The following SETMAR variants were observed in gnomAD, a reference collection of about 807,000 sequenced individuals.
SETMAR encodes SET and mariner transposase domain methyltransferase, also known as histone-lysine N-methyltransferase SETMAR.
In SETMAR, 44 loss-of-function variants were observed where a neutral mutation model predicts 58.4. The observed-to-expected ratio is 0.75, with a 90% confidence interval of 0.59 to 0.97. SETMAR has a LOEUF of 0.97. Ranked by LOEUF, SETMAR falls within the 50% of genes least tolerant of loss-of-function variation. The pLI is 0.00. For synonymous variants in SETMAR, 332 were observed against 307.4 expected (o/e 1.08, Z -0.84); for missense variants, 903 against 840.2 (o/e 1.07, Z -0.92).
chr3:4,313,356 A>G lies in SETMAR; in HGVS notation c.615A>G (p.Val205=). 1 of 1,613,986 alleles carries G rather than the reference A, an allele frequency of 6.2e-7. No individual in the cohort carries two copies. Among genetic ancestry groups the G allele is most frequent in the East Asian group, 2.2e-5 (1 of 44,872 alleles). The change falls in exon 2 of 3, where the codon GTA becomes GTG. Residue 205 remains valine, a synonymous_variant. Transcript: ENST00000358065. ...AIREHVYNGQ[V]METFVDPTYI... is the part of the protein sequence containing the mutation. ...GGGAACATGTTTATAATGGGCAGGTAATGGAAACATTTGTTGACCCTACTT... is the reference window on the plus strand; with the variant it reads ...GGGAACATGTTTATAATGGGCAGGTGATGGAAACATTTGTTGACCCTACTT...
chr3:4,313,939 TG>T, intron 2 of SETMAR, 178 bp downstream of exon 2: 2 of 1,123,136 alleles, frequency 1.8e-6, no homozygotes, highest in Non-Finnish European at 2.5e-6. Flanking sequence ...CAAAAGTACA[TG>T]ACTACCCAGA....
chr3:4,308,277 C>A (rs1309949771), intron 1 of SETMAR, among the ~76,000 whole-genome samples: 1 of 152,172 alleles, frequency 6.6e-6, no homozygotes, highest in Admixed American at 6.5e-5. Flanking sequence ...AACTTATTTT[C>A]TTCACTACCC....
chr3:4,303,402 CT>C lies in SETMAR; in HGVS notation c.34del (p.Cys12ValfsTer47). ...GCGGAAGCGGCAAAGACGACACGGC[CT>C]TGTGGGATGGCGGAGTTTAAGGAGA... MFAEAAKTTR[P>X]CGMAEFKEKP... On this transcript the variant is annotated frameshift_variant, in exon 1 of 3. Transcript: ENST00000358065. LOFTEE classifies it high-confidence loss of function. 1 of 1,558,872 alleles carries C rather than the reference CT, an allele frequency of 6.4e-7. No homozygotes were observed. The highest frequency in any genetic ancestry group is 8.6e-7 in the Non-Finnish European group (1 of 1,156,782).
At chr3:4,303,596 C>A (rs1364693538) in intron 1 of SETMAR, 70 bp downstream of exon 1, 5 of 1,375,694 alleles carry the variant, frequency 3.6e-6, no homozygotes, top group South Asian at 1.7e-5. Flanking sequence ...CAAGCCGCCT[C>A]GCTGGGACGG....
Position 4,317,035 on chromosome 3 carries a change from A to G in SETMAR, c.1844A>G (p.Tyr615Cys). 2.6e-6 allele frequency: 4 copies of G among 1,549,416 alleles called. No homozygotes were observed. The highest frequency in any genetic ancestry group is 3.5e-6 in the Non-Finnish European group (4 of 1,146,722). The change falls in exon 3 of 3, where the codon TAT becomes TGT. Residue 615 changes from tyrosine (Y) to cysteine (C), a missense_variant. Coordinates refer to ENST00000358065, the MANE Select transcript of SETMAR (RefSeq NM_006515.4). ...LGYEVLPHPP[Y>C]SPDLLPTNYH... Reference sequence around the variant, plus strand: ...TATGAAGTTTTGCCTCATCCACCGTATTCACCTGACCTCTTGCCAACCAAC... The same window carrying G: ...TATGAAGTTTTGCCTCATCCACCGTGTTCACCTGACCTCTTGCCAACCAAC...
chr3:4,316,483 A>G lies in SETMAR; in HGVS notation c.1292A>G (p.Glu431Gly). Residue 431 changes from glutamate to glycine, a missense_variant, in exon 3 of 3, where the codon GAA becomes GGA. By Grantham distance (98) the Glu-to-Gly change is moderately conservative. Coordinates refer to ENST00000358065, the MANE Select transcript of SETMAR (RefSeq NM_006515.4). ...IEADPLTTTR[E>G]VAEELNVNHS... Reference sequence around the variant, plus strand: ...GCTGATCCCCTTACAACTACACGAGAAGTTGCTGAAGAACTCAATGTCAAC... The same window carrying G: ...GCTGATCCCCTTACAACTACACGAGGAGTTGCTGAAGAACTCAATGTCAAC... The G allele has an allele frequency of 6.2e-7, 1 of 1,602,848 alleles. No homozygotes were observed. The highest frequency in any genetic ancestry group is 8.5e-7 in the Non-Finnish European group (1 of 1,174,564).
chr3:4,317,247 T>TAAA lies in SETMAR; in HGVS notation c.*4_*6dup, dbSNP rs1478634387. ...TTGTAATGGTTCCTATTTTGATTAA[T>TAAA]AAAAATGCGTTGAGCCTAGTTATAA... On this transcript the variant is annotated 3_prime_UTR_variant, in exon 3 of 3. Transcript: ENST00000358065. 1 of 1,524,508 alleles carries TAAA rather than the reference T, an allele frequency of 6.6e-7. No homozygotes were observed. The highest frequency in any genetic ancestry group is 8.8e-7 in the Non-Finnish European group (1 of 1,135,060). The allele number at this position is 1,524,508 out of a possible 1,614,324, so 94.4% of individuals were successfully genotyped here.
intron 1 of SETMAR, 156 bp downstream of exon 1, chr3:4,303,682 C>T: frequency 6.7e-7 from 1 of 1,498,160 alleles, no homozygotes; most frequent in Non-Finnish European, 8.9e-7. Flanking sequence ...ATGCCCCGGC[C>T]TGGGCCTTTT....
In SETMAR at chr3:4,303,585, T is replaced by C. The variant is rs1049029110; in HGVS notation, c.156+59T>C. 3.6e-6 allele frequency: 5 copies of C among 1,377,888 alleles called. No individual in the cohort carries two copies. The South Asian group carries it at 6.9e-5, about 19-fold the overall frequency. The allele number at this position is 1,377,888 out of a possible 1,614,324, so 85.4% of individuals were successfully genotyped here. ...CGCGCGGCTCCCCCACGTGGTCTCCTCAAGCCGCCTCGCTGGGACGGCCTC... is the reference window on the plus strand; with the variant it reads ...CGCGCGGCTCCCCCACGTGGTCTCCCCAAGCCGCCTCGCTGGGACGGCCTC... On this transcript the variant is annotated intron_variant, in intron 1 of 2. Coordinates refer to ENST00000358065, the MANE Select transcript of SETMAR (RefSeq NM_006515.4).
chr3:4,313,097 A>ATG lies in SETMAR; in HGVS notation c.358_359dup (p.Leu121SerfsTer54), dbSNP rs1698480654. 6.2e-7 allele frequency: 1 copy of ATG among 1,614,018 alleles called. No homozygotes were observed. Among genetic ancestry groups the ATG allele is most frequent in the African/African-American group, 1.3e-5 (1 of 75,042 alleles). ...TATGCAGAGCCTGTTTTTGAATGCAATGTCCTGTGCCGATGCAGTGACCAC... is the reference window on the plus strand; with the variant it reads ...TATGCAGAGCCTGTTTTTGAATGCAATGTGTCCTGTGCCGATGCAGTGACCAC... On this transcript the variant is annotated frameshift_variant, in exon 2 of 3. Transcript: ENST00000358065. LOFTEE classifies it high-confidence loss of function.
At position 4,316,603 on chromosome 3, in the gene SETMAR, G is replaced by A. The variant is rs531154693; in HGVS notation, c.1412G>A (p.Arg471His). ...PHELTENQKN[R>H]RFEVSSSLIL... ...GAGCTGACTGAAAATCAAAAAAATC[G>A]TCGTTTTGAAGTGTCATCTTCTCTT... Residue 471 changes from arginine (R) to histidine (H), a missense_variant, in exon 3 of 3, where the codon CGT becomes CAT. Arg to His is a conservative substitution (Grantham distance 29). Transcript: ENST00000358065. The A allele has an allele frequency of 8.6e-5, 134 of 1,551,262 alleles. No homozygotes were observed. Among genetic ancestry groups the A allele is most frequent in the East Asian group, 8.3e-4 (34 of 40,928 alleles).
Position 4,316,545 on chromosome 3 carries a change from A to G in SETMAR, c.1354A>G (p.Lys452Glu), listed in dbSNP as rs1698657596. The change falls in exon 3 of 3, where the codon AAG becomes GAG. Residue 452 changes from lysine to glutamate, a missense_variant. Transcript: ENST00000358065. Reference protein sequence around the residue: ...TVVRHLKQIGKVKKLDKWVPH... With the variant: ...TVVRHLKQIGEVKKLDKWVPH... ...CGTTCGACATTTGAAGCAAATTGGA[A>G]AGGTGAAAAAGCTCGATAAGTGGGT... is the stretch of plus-strand genomic sequence containing the variant. The G allele has an allele frequency of 6.4e-7, 1 of 1,561,318 alleles. No homozygotes were observed. Among genetic ancestry groups the G allele is most frequent in the Non-Finnish European group, 8.7e-7 (1 of 1,151,650 alleles).
chr3:4,310,464 C>T (rs1015047275), intron 1 of SETMAR, among the ~76,000 whole-genome samples: 1 of 152,028 alleles, frequency 6.6e-6, no homozygotes, highest in African/African-American at 2.4e-5. Context: ...TGACTCAAAG[C>T]AATTATTGGT....
At chr3:4,314,017 A>G (rs928467309) in intron 2 of SETMAR, 14 of 596,356 alleles carry the variant, frequency 2.3e-5, no homozygotes, top group Admixed American at 2.1e-4. Context: ...AGCAAAAATG[A>G]CAAGTCCTTA....
At chr3:4,314,469 G>A (rs1434294771) in intron 2 of SETMAR, 1 of 152,144 alleles carries the variant, frequency 6.6e-6, no homozygotes, top group Non-Finnish European at 1.5e-5. Flanking sequence ...ACTATCACCT[G>A]CTAAAACCCT....
intron 1 of SETMAR, 124 bp downstream of exon 1, chr3:4,303,650 T>C: frequency 7.0e-7 from 1 of 1,433,520 alleles, no homozygotes; most frequent in Non-Finnish European, 9.1e-7. Context: ...GCGCACCCGT[T>C]GGTGCGCGGG....
chr3:4,314,150 T>C (rs1355264306), intron 2 of SETMAR: 2 of 245,184 alleles, frequency 8.2e-6, no homozygotes, highest in African/African-American at 2.2e-5. Flanking sequence ...AGCCATTGCA[T>C]AGAAAAATCA....
chr3:4,313,052 A>G lies in SETMAR; in HGVS notation c.311A>G (p.Asp104Gly), dbSNP rs1191932183. Residue 104 changes from aspartate (D) to glycine (G), a missense_variant, in exon 2 of 3, where the codon GAT (aspartate) becomes GGT (glycine). Coordinates refer to ENST00000358065, the MANE Select transcript of SETMAR (RefSeq NM_006515.4). ...TATGATGATAACTCATGCCTTAGAG[A>G]TATAGGATCTGGAGGAAAGTATGCA... ...ENYDDNSCLR[D>G]IGSGGKYAEP... 2 of 1,613,782 alleles carry G rather than the reference A, an allele frequency of 1.2e-6. No individual in the cohort carries two copies. Among genetic ancestry groups the G allele is most frequent in the Admixed American group, 1.7e-5 (1 of 59,938 alleles).
At chr3:4,304,290 G>A (rs1047155906) in intron 1 of SETMAR, among the ~76,000 whole-genome samples, 2 of 151,444 alleles carry the variant, frequency 1.3e-5, no homozygotes, top group African/African-American at 2.4e-5. Context: ...TACAGGCATG[G>A]GCCACCACGC....
Sources: allele counts gnomAD v4.1 joint callset (sites outside exome capture counted in the v4.1 genomes callset), GRCh38; gene constraint gnomAD v4.1.1; transcripts MANE v1.5; gene names NCBI Gene and HGNC (gene_info 2026-07-23, HGNC 2026-07-21).